SMCHD1: variants seen among roughly 807,000 people sequenced by gnomAD.
The protein encoded by SMCHD1 is structural maintenance of chromosomes flexible hinge domain-containing protein 1.
A neutral mutation model predicts 254.7 loss-of-function variants in SMCHD1; 78 were observed. The observed-to-expected ratio is 0.31, with a 90% CI of 0.26 to 0.37. SMCHD1 has a LOEUF of 0.37. Ranked by LOEUF, SMCHD1 falls within the 10% of genes least tolerant of loss-of-function variation. SMCHD1 has a pLI of 1.00. For missense variants in SMCHD1, 1,840 were observed against 2,408.1 expected (o/e 0.76, Z 4.94); for synonymous variants, 766 against 794.9 (o/e 0.96, Z 0.61).
At chr18:2,771,257 G>A (rs996138766) in intron 39 of SMCHD1, among the ~76,000 whole-genome samples, 1 of 152,120 alleles carries the variant, frequency 6.6e-6, no homozygotes, top group Non-Finnish European at 1.5e-5. Context: ...TATACTCGTG[G>A]ATTAAGATTA....
intron 5 of SMCHD1, 136 bp downstream of exon 5, chr18:2,674,281 A>G: frequency 2.8e-6 from 2 of 714,902 alleles, no homozygotes; most frequent in Non-Finnish European, 4.2e-6. Context: ...GTTTTATATT[A>G]TAGAATTTTT....
intron 5 of SMCHD1, among the ~76,000 whole-genome samples, chr18:2,685,164 A>G (rs2074021280): frequency 8.2e-6 from 1 of 122,008 alleles, no homozygotes; most frequent in Non-Finnish European, 1.6e-5. Flanking sequence ...CAGTGGTGCT[A>G]TCTCGGCTCA....
chr18:2,744,423 G>GT (rs1225075905), intron 29 of SMCHD1, among the ~76,000 whole-genome samples: 494 of 141,756 alleles, frequency 3.5e-3, no homozygotes, highest in African/African-American at 5.6e-3. Flanking sequence ...TGTCAAATCT[G>GT]TTTTTTTTTT....
chr18:2,801,362 G>A (rs1233373640), intron 47 of SMCHD1: 1 of 152,168 alleles, frequency 6.6e-6, no homozygotes, highest in Non-Finnish European at 1.5e-5. Flanking sequence ...GTTTAGCTTT[G>A]TGATGGCGGT....
intron 37 of SMCHD1, among the ~76,000 whole-genome samples, chr18:2,768,214 C>A (rs2075905385): frequency 6.6e-6 from 1 of 151,298 alleles, no homozygotes. Flanking sequence ...AGAATATGAG[C>A]AGGCAATTAA....
intron 45 of SMCHD1, among the ~76,000 whole-genome samples, chr18:2,792,955 A>G (rs1281106922): frequency 1.3e-5 from 2 of 152,184 alleles, no homozygotes; most frequent in African/African-American, 4.8e-5. Context: ...GCTTGCCTCT[A>G]TCCTCCTCTT....
chr18:2,775,516 A>G (rs922700711), intron 41 of SMCHD1, among the ~76,000 whole-genome samples: 1 of 126,192 alleles, frequency 7.9e-6, no homozygotes, highest in African/African-American at 2.7e-5. Context: ...GCTCATTTGC[A>G]ACTTTACTGG....
intron 45 of SMCHD1, among the ~76,000 whole-genome samples, chr18:2,795,203 G>A (rs919366621): frequency 9.9e-5 from 15 of 152,142 alleles, no homozygotes; most frequent in South Asian, 2.1e-4. Flanking sequence ...ACAGGTGCCC[G>A]CCACCATGCC....
chr18:2,665,530 G>T (rs1046344973), intron 1 of SMCHD1, among the ~76,000 whole-genome samples: 1 of 151,906 alleles, frequency 6.6e-6, no homozygotes, highest in African/African-American at 2.4e-5. Flanking sequence ...CATGTTGGTC[G>T]GGCTGGTCTT....
At chr18:2,775,465 C>T (rs1330542870) in intron 41 of SMCHD1, among the ~76,000 whole-genome samples, 2 of 151,880 alleles carry the variant, frequency 1.3e-5, no homozygotes, top group Non-Finnish European at 2.9e-5. Context: ...CATCCCTGAA[C>T]GGTCTGAGAA....
intron 37 of SMCHD1, 133 bp downstream of exon 37, chr18:2,763,922 A>G: frequency 3.7e-6 from 3 of 819,960 alleles, no homozygotes; most frequent in Non-Finnish European, 5.5e-6. Context: ...AGTCAGCTGA[A>G]ATATTTTCTG....
At chr18:2,777,689 G>A in intron 42 of SMCHD1, 117 bp from the exon 43 acceptor site, 1 of 560,380 alleles carries the variant, frequency 1.8e-6, no homozygotes, top group South Asian at 2.6e-5. Flanking sequence ...GTGGTGGATT[G>A]GGAATTGATT....
At position 2,772,239 on chromosome 18, in the gene SMCHD1, A is replaced by G. The variant is rs1177960645; in HGVS notation, c.5053-11A>G. The G allele has an allele frequency of 6.4e-7, 1 of 1,551,760 alleles. No individual in the cohort carries two copies. The highest frequency in any genetic ancestry group is 8.6e-7 in the Non-Finnish European group (1 of 1,156,426). ...TTGGTCTTGTAGTTAATTTTTCTTT[A>G]TAAATTATAGGTGCCACACATTGAA... On this transcript the variant is annotated splice_polypyrimidine_tract_variant and intron_variant, in intron 40 of 47. Coordinates refer to ENST00000320876, the MANE Select transcript of SMCHD1 (RefSeq NM_015295.3).
In SMCHD1 at chr18:2,660,192, C is replaced by T. The variant is rs527242860; in HGVS notation, c.186+3931C>T. On this transcript the variant is annotated intron_variant, in intron 1 of 47. Transcript: ENST00000320876. The stretch of plus-strand genomic sequence containing the variant: ...TACAAATATTAGCTGGATCTGGTGG[C>T]GGGTGCCTGTAATCCCAGCTACTCG... Among the ~76,000 whole-genome samples the T allele has an allele frequency of 2.8e-3, 432 of 152,088 alleles. 5 individuals are homozygous for T. Among genetic ancestry groups the T allele is most frequent in the African/African-American group, 1.0e-2 (414 of 41,482 alleles).
chr18:2,743,779 A>G lies in SMCHD1; in HGVS notation c.3652A>G (p.Ser1218Gly). Reference sequence around the variant, plus strand: ...TCACTAGGAAAACACACAGAGTATAAGTGTAAGAGGCATCAAATTTATTCC... The same window carrying G: ...TCACTAGGAAAACACACAGAGTATAGGTGTAAGAGGCATCAAATTTATTCC... ...TTFQENTQSI[S>G]VRGIKFIPGP... The change falls in exon 29 of 48, where the codon AGT becomes GGT. Residue 1218 changes from serine (S) to glycine (G), a missense_variant. Around this residue, in one of 9 missense-constraint regions of SMCHD1, gnomAD observed 881 missense variants for 1,009.5 expected, o/e 0.87. Transcript: ENST00000320876. The G allele has an allele frequency of 6.2e-7, 1 of 1,610,286 alleles. No individual in the cohort carries two copies. The highest frequency in any genetic ancestry group is 8.5e-7 in the Non-Finnish European group (1 of 1,178,090).
chr18:2,729,175 G>GA (rs770511551), intron 23 of SMCHD1, 100 bp from the exon 24 acceptor site: 20 of 987,082 alleles, frequency 2.0e-5, no homozygotes, highest in Non-Finnish European at 2.6e-5. Flanking sequence ...TTCATTGCCA[G>GA]AAATAGTAGC....
chr18:2,778,044 G>A, intron 43 of SMCHD1, 125 bp from the exon 44 acceptor site: 2 of 983,008 alleles, frequency 2.0e-6, no homozygotes, highest in Non-Finnish European at 3.0e-6. Context: ...AGTTTTTTTA[G>A]AGTACAAATA....
intron 1 of SMCHD1, among the ~76,000 whole-genome samples, chr18:2,662,238 C>CT (rs2073304259): frequency 6.7e-6 from 1 of 148,908 alleles, no homozygotes; most frequent in Non-Finnish European, 1.5e-5. Flanking sequence ...AAATAATAGA[C>CT]TTATGTGGGA....
At chr18:2,663,079 C>G (rs560139899) in intron 1 of SMCHD1, among the ~76,000 whole-genome samples, 10 of 152,114 alleles carry the variant, frequency 6.6e-5, no homozygotes, top group African/African-American at 2.4e-4. Context: ...TTTATGTTGT[C>G]TGGTCTTTTT....
Sources: allele counts gnomAD v4.1 joint callset (sites outside exome capture counted in the v4.1 genomes callset), GRCh38; gene constraint gnomAD v4.1.1; regional missense constraint gnomAD v4.1.1; transcripts MANE v1.5; gene names NCBI Gene and HGNC (gene_info 2026-07-23, HGNC 2026-07-21).